DDAH1: variants seen among roughly 807,000 people sequenced by gnomAD.
DDAH1 encodes dimethylarginine dimethylaminohydrolase 1.
In DDAH1, 19 loss-of-function variants were observed where a neutral mutation model predicts 28.8. The ratio of observed to expected loss-of-function variants is 0.66; its 90% confidence interval spans 0.46 to 0.97. DDAH1 has a LOEUF of 0.97. Among genes scored for constraint, DDAH1 ranks in the 50% least tolerant of loss-of-function variants. The pLI is 0.00. For missense variants in DDAH1, 326 were observed against 375.9 expected (o/e 0.87, Z 1.10); for synonymous variants, 153 against 154.4 (o/e 0.99, Z 0.07).
intron 1 of DDAH1, among the ~76,000 whole-genome samples, chr1:85,556,082 T>G (rs1658956317): frequency 1.4e-5 from 2 of 144,638 alleles, no homozygotes; most frequent in South Asian, 2.2e-4. Context: ...CGCCGCCGCC[T>G]CCTCCTCCTC....
chr1:85,407,028 T>C (rs757851295), intron 1 of DDAH1, among the ~76,000 whole-genome samples: 5 of 152,086 alleles, frequency 3.3e-5, no homozygotes, highest in African/African-American at 7.2e-5. Flanking sequence ...ACCTTCCTCC[T>C]TGAGTTTTTG....
chr1:85,535,338 C>T (rs1252102237), intron 1 of DDAH1, among the ~76,000 whole-genome samples: 1 of 139,400 alleles, frequency 7.2e-6, no homozygotes, highest in African/African-American at 2.7e-5. Flanking sequence ...GGAAGTTGTT[C>T]CAATATTCCT....
At chr1:85,432,465 C>T (rs571262034) in intron 1 of DDAH1, among the ~76,000 whole-genome samples, 2 of 152,196 alleles carry the variant, frequency 1.3e-5, no homozygotes, top group African/African-American at 2.4e-5. Context: ...ATTTTATTTT[C>T]GTGTGTATTG....
intron 1 of DDAH1, among the ~76,000 whole-genome samples, chr1:85,373,754 A>C (rs1650511145): frequency 6.6e-6 from 1 of 152,146 alleles, no homozygotes; most frequent in Non-Finnish European, 1.5e-5. Context: ...ACCCAGGGAG[A>C]AACTAAGAGA....
chr1:85,565,267 A>T (rs1197719530), intron 1 of DDAH1, among the ~76,000 whole-genome samples: 3 of 152,236 alleles, frequency 2.0e-5, no homozygotes, highest in Non-Finnish European at 4.4e-5. Context: ...AAACAACATA[A>T]GCCAGAAGCA....
At chr1:85,483,899 G>T (rs1268925734) in intron 2 of DDAH1, among the ~76,000 whole-genome samples, 1 of 152,140 alleles carries the variant, frequency 6.6e-6, no homozygotes, top group African/African-American at 2.4e-5. Flanking sequence ...GATCATATTT[G>T]ATCGCAGATA....
upstream of DDAH1, among the ~76,000 whole-genome samples, chr1:85,466,495 C>T (rs893387088): frequency 1.3e-5 from 2 of 152,184 alleles, no homozygotes; most frequent in African/African-American, 4.8e-5. Flanking sequence ...GTGATCCACC[C>T]GCCTCCACCT....
At chr1:85,537,961 A>G (rs1658346448) in intron 1 of DDAH1, among the ~76,000 whole-genome samples, 1 of 152,184 alleles carries the variant, frequency 6.6e-6, no homozygotes, top group Non-Finnish European at 1.5e-5. Context: ...CTGCTTTTAC[A>G]CTTAAAACCC....
At chr1:85,332,561 G>A (rs978692373) in intron 4 of DDAH1, among the ~76,000 whole-genome samples, 37 of 152,254 alleles carry the variant, frequency 2.4e-4, no homozygotes, top group African/African-American at 8.9e-4. Context: ...TGGGCCCATG[G>A]GCCCCATGGG....
At chr1:85,548,332 A>G (rs1658686482) in intron 1 of DDAH1, among the ~76,000 whole-genome samples, 1 of 152,212 alleles carries the variant, frequency 6.6e-6, no homozygotes, top group Non-Finnish European at 1.5e-5. Flanking sequence ...CTGATATTTG[A>G]AGAGTTTAAC....
At chr1:85,331,590 T>C (rs147108228) in intron 4 of DDAH1, among the ~76,000 whole-genome samples, 3 of 152,020 alleles carry the variant, frequency 2.0e-5, no homozygotes, top group Non-Finnish European at 4.4e-5. Flanking sequence ...CCATCAAGAG[T>C]GTATTGAGAG....
chr1:85,477,900 T>C (rs1655857480), intron 2 of DDAH1, among the ~76,000 whole-genome samples: 1 of 152,242 alleles, frequency 6.6e-6, no homozygotes, highest in Non-Finnish European at 1.5e-5. Flanking sequence ...TTCCCTAGTA[T>C]ATGGGCTTCT....
intron 1 of DDAH1, among the ~76,000 whole-genome samples, chr1:85,384,193 G>A (rs933913668): frequency 1.1e-4 from 16 of 152,080 alleles, no homozygotes; most frequent in African/African-American, 3.9e-4. Flanking sequence ...GGAATTGTCT[G>A]GTTTATTTTC....
intron 1 of DDAH1, among the ~76,000 whole-genome samples, chr1:85,451,373 A>G (rs1300330571): frequency 6.6e-6 from 1 of 152,168 alleles, no homozygotes; most frequent in African/African-American, 2.4e-5. Flanking sequence ...GGGACTGATC[A>G]CTGATGGAAG....
chr1:85,465,021 C>A lies in DDAH1; in HGVS notation c.25G>T (p.Ala9Ser), dbSNP rs2100695120. 7.5e-7 allele frequency: 1 copy of A among 1,330,588 alleles called. No individual in the cohort carries two copies. The highest frequency in any genetic ancestry group is 1.5e-5 in the African/African-American group (1 of 65,646). 82.4% of individuals were successfully genotyped at this position (1,330,588 alleles called of 1,614,324 possible). The change falls in exon 1 of 6, where the codon GCC becomes TCC. Residue 9 changes from alanine to serine, a missense_variant. Coordinates refer to ENST00000284031, the MANE Select transcript of DDAH1 (RefSeq NM_012137.4). MAGLGHPA[A>S]FGRATHAVVR... ...ACGGCGTGGGTGGCCCGGCCGAAGGCGGCGGGGTGGCCGAGCCCGGCCATG... is the reference window on the plus strand; with the variant it reads ...ACGGCGTGGGTGGCCCGGCCGAAGGAGGCGGGGTGGCCGAGCCCGGCCATG...
intron 2 of DDAH1, among the ~76,000 whole-genome samples, chr1:85,489,499 T>C (rs1656314532): frequency 6.6e-6 from 1 of 152,128 alleles, no homozygotes; most frequent in South Asian, 2.1e-4. Flanking sequence ...CTATACATTT[T>C]CTTTGGGGGC....
chr1:85,546,125 T>C (rs946402550), intron 1 of DDAH1, among the ~76,000 whole-genome samples: 2 of 114,632 alleles, frequency 1.7e-5, no homozygotes, highest in African/African-American at 3.1e-5. Flanking sequence ...GATTTGAATG[T>C]GTCTCCAAAA....
intron 1 of DDAH1, among the ~76,000 whole-genome samples, chr1:85,519,149 A>T (rs1488686730): frequency 7.9e-6 from 1 of 126,794 alleles, no homozygotes; most frequent in Non-Finnish European, 1.5e-5. Flanking sequence ...GCTGGAGTGC[A>T]GTGGCATGAT....
At chr1:85,454,265 C>G (rs1654787941) in intron 1 of DDAH1, among the ~76,000 whole-genome samples, 1 of 152,212 alleles carries the variant, frequency 6.6e-6, no homozygotes, top group African/African-American at 2.4e-5. Context: ...AATGGTGAAG[C>G]TGACAATCTT....
Sources: gnomAD v4.1 joint callset for allele counts (sites outside exome capture counted in the v4.1 genomes callset) on GRCh38, gnomAD v4.1.1 for gene constraint, MANE v1.5 for transcripts, NCBI Gene and HGNC (gene_info 2026-07-23, HGNC 2026-07-21) for gene names.